Variants in CSTF2T observed in about 807,000 individuals in gnomAD.
CSTF2T encodes CF-1 64 kDa subunit tau.
Under a neutral mutation model 39.9 loss-of-function variants are expected in CSTF2T, and 18 were observed. The observed-to-expected ratio is 0.45, with a 90% CI of 0.31 to 0.67. CSTF2T has a LOEUF of 0.67. CSTF2T is among the 30% of genes least tolerant of loss of function. The pLI, the probability that CSTF2T is intolerant of heterozygous loss-of-function variation, is 0.06. For synonymous variants in CSTF2T, 291 were observed against 276.4 expected (o/e 1.05, Z -0.52); for missense variants, 681 against 789.0 (o/e 0.86, Z 1.64).
Position 51,697,657 on chromosome 10 carries a change from G to T in CSTF2T, c.*42C>A. The T allele has an allele frequency of 6.3e-7, 1 of 1,598,684 alleles. No individual in the cohort carries two copies. The highest frequency in any genetic ancestry group is 1.1e-5 in the South Asian group (1 of 89,262). On this transcript the variant is annotated 3_prime_UTR_variant, in exon 1 of 1. Coordinates refer to ENST00000331173, the MANE Select transcript of CSTF2T (RefSeq NM_015235.3). ...TTTTGCACCCATTCTCCATGCTACA[G>T]AATAAAATTTGAGACTACAGCCAAA...
Position 51,698,547 on chromosome 10 carries a change from T to C in CSTF2T, c.1003A>G (p.Asn335Asp), listed in dbSNP as rs577195954. The C allele has an allele frequency of 5.0e-6, 8 of 1,614,030 alleles. No individual in the cohort carries two copies. The African/African-American group carries it at 6.7e-5, about 13-fold the overall frequency. ...AGCAAAGTCCCTCCACGTGGGTCAT[T>C]TGGAGCATCTCCTAACAGTCCTCGA... is the stretch of plus-strand genomic sequence containing the variant. ...PPRGLLGDAPNDPRGGTLLSV... is the reference protein window; with the variant it reads ...PPRGLLGDAPDDPRGGTLLSV... The change falls in exon 1 of 1, where the codon AAT becomes GAT. Residue 335 changes from asparagine to aspartate, a missense_variant. Physicochemically the swap from Asn to Asp is conservative, Grantham distance 23. Around this residue, in one of 4 missense-constraint regions of CSTF2T, gnomAD observed 329 missense variants for 344.1 expected, o/e 0.96. Transcript: ENST00000331173.
Position 51,696,168 on chromosome 10 carries a change from C to T in CSTF2T, c.*1531G>A, listed in dbSNP as rs1841287051. 2 of 152,160 alleles carry T rather than the reference C, an allele frequency of 1.3e-5. No individual in the cohort carries two copies. The highest frequency in any genetic ancestry group is 4.8e-5 in the African/African-American group (2 of 41,440). 9.4% of individuals were successfully genotyped at this position (152,160 alleles called of 1,614,324 possible). Reference sequence around the variant, plus strand: ...ATTCAGGCTATATAAAAACTTCTACCTACCTGGGCCTTGATTATTCCTGGT... The same window carrying T: ...ATTCAGGCTATATAAAAACTTCTACTTACCTGGGCCTTGATTATTCCTGGT... On this transcript the variant is annotated 3_prime_UTR_variant, in exon 1 of 1. Coordinates refer to ENST00000331173, the MANE Select transcript of CSTF2T (RefSeq NM_015235.3).
In CSTF2T at chr10:51,695,671, G is replaced by A. The variant is rs1235830743; in HGVS notation, c.*2028C>T. 2 of 152,104 alleles carry A rather than the reference G, an allele frequency of 1.3e-5. No homozygotes were observed. Among genetic ancestry groups the A allele is most frequent in the African/African-American group, 2.4e-5 (1 of 41,426 alleles). The allele number at this position is 152,104 out of a possible 1,614,324, so 9.4% of individuals were successfully genotyped here. On this transcript the variant is annotated 3_prime_UTR_variant, in exon 1 of 1. Coordinates refer to ENST00000331173, the MANE Select transcript of CSTF2T (RefSeq NM_015235.3). ...GCATAACTATCACATATGTAAACGC[G>A]AGTTATCCTCTCCAATATAGGGGAG...
At position 51,698,072 on chromosome 10, in the gene CSTF2T, C is replaced by T. The variant is rs779350917; in HGVS notation, c.1478G>A (p.Arg493Lys). Residue 493 changes from arginine (R) to lysine (K), a missense_variant, in exon 1 of 1, where the codon AGA becomes AAA. Transcript: ENST00000331173. ...IGAGGPPQGP[R>K]QVPGISGVGN... ...CACCCCTGAAATGCCTGGGACCTGT[C>T]TGGGTCCCTGAGGAGGGCCACCTGC... 1 of 1,614,108 alleles carries T rather than the reference C, an allele frequency of 6.2e-7. No individual in the cohort carries two copies. The highest frequency in any genetic ancestry group is 8.5e-7 in the Non-Finnish European group (1 of 1,180,012).
rs199872150 is a variant in CSTF2T, at chr10:51,697,773, T to C, written c.1777A>G (p.Met593Val). The C allele has an allele frequency of 5.5e-5, 89 of 1,614,070 alleles. No individual in the cohort carries two copies. Among genetic ancestry groups the C allele is most frequent in the Non-Finnish European group, 6.9e-5 (81 of 1,180,030 alleles). Residue 593 changes from methionine (M) to valine (V), a missense_variant, in exon 1 of 1, where the codon ATG (methionine) becomes GTG (valine). Met to Val is a conservative substitution (Grantham distance 21). Around this residue, in one of 4 missense-constraint regions of CSTF2T, gnomAD observed 282 missense variants for 289.2 expected, o/e 0.98. Transcript: ENST00000331173. ...VLQLTADQIA[M>V]LPPEQRQSIL... ...CTCTGCCTTTGCTCAGGGGGCAGCA[T>C]GGCAATCTGATCTGCAGTCAGTTGA... is the stretch of plus-strand genomic sequence containing the variant.
In CSTF2T at chr10:51,695,621, A is replaced by C. The variant is rs1403603195; in HGVS notation, c.*2078T>G. Reference sequence around the variant, plus strand: ...AGCAACTAGAATCTCAAAATGATCGAGCCAACTCTGTGAATTAGTATTAAG... The same window carrying C: ...AGCAACTAGAATCTCAAAATGATCGCGCCAACTCTGTGAATTAGTATTAAG... On this transcript the variant is annotated 3_prime_UTR_variant, in exon 1 of 1. Transcript: ENST00000331173. The C allele has an allele frequency of 6.6e-6, 1 of 152,220 alleles. No individual in the cohort carries two copies. Among genetic ancestry groups the C allele is most frequent in the African/African-American group, 2.4e-5 (1 of 41,458 alleles). 9.4% of individuals were successfully genotyped at this position (152,220 alleles called of 1,614,324 possible). A position where few individuals can be genotyped will look rare whatever the true frequency, so the allele number is the denominator to read the frequency against.
Position 51,699,106 on chromosome 10 carries a change from C to T in CSTF2T, c.444G>A (p.Lys148=), listed in dbSNP as rs1030875757. The change falls in exon 1 of 1, where the codon AAG becomes AAA. Residue 148 remains lysine (K), a synonymous_variant. Transcript: ENST00000331173. ...CCTGGTGGCTGTTTTGGACACAGAG[C>T]TTCATCTGCTTCATCAGCTCAAACA... ...EQMFELMKQM[K]LCVQNSHQEA... The T allele has an allele frequency of 1.9e-6, 3 of 1,614,210 alleles. No homozygotes were observed. The highest frequency in any genetic ancestry group is 2.5e-6 in the Non-Finnish European group (3 of 1,180,040).
In CSTF2T at chr10:51,698,891, C is replaced by G. The variant is rs1841383810; in HGVS notation, c.659G>C (p.Gly220Ala). 6.2e-7 allele frequency: 1 copy of G among 1,611,046 alleles called. No individual in the cohort carries two copies. Among genetic ancestry groups the G allele is most frequent in the African/African-American group, 1.3e-5 (1 of 74,634 alleles). The change falls in exon 1 of 1, where the codon GGG becomes GCG. Residue 220 changes from glycine to alanine, a missense_variant. Gly to Ala is a moderately conservative substitution (Grantham distance 60, BLOSUM62 0). Transcript: ENST00000331173. ...VSGPGPGPGP[G>A]LCPGPNVLLN... is the part of the protein sequence containing the mutation. ...CAGAACATTAGGTCCTGGGCAGAGC[C>G]CAGGGCCAGGGCCAGGGCCAGGGCC...
Position 51,698,636 on chromosome 10 carries a change from A to G in CSTF2T, c.914T>C (p.Val305Ala), listed in dbSNP as rs1037302343. Reference protein sequence around the residue: ...VGPVPLERGQVQMSDPRAPIP... With the variant: ...VGPVPLERGQAQMSDPRAPIP... ...AGGAGCTCTAGGATCTGACATCTGC[A>G]CTTGTCCCCGCTCTAAAGGCACTGG... The change falls in exon 1 of 1, where the codon GTG (valine) becomes GCG (alanine). Residue 305 changes from valine to alanine, a missense_variant. Val to Ala is a moderately conservative substitution (Grantham distance 64). Transcript: ENST00000331173. The G allele has an allele frequency of 6.2e-7, 1 of 1,614,086 alleles. No homozygotes were observed. Among genetic ancestry groups the G allele is most frequent in the Non-Finnish European group, 8.5e-7 (1 of 1,180,024 alleles).
At position 51,698,148 on chromosome 10, in the gene CSTF2T, T is replaced by C. The variant is rs1487005675; in HGVS notation, c.1402A>G (p.Arg468Gly). ...TGAATTCCACCAGTCATAGGGCCTC[T>C]TGAACTGGGGACAGGGCCCCTCATC... ...LEMRGPVPSS[R>G]GPMTGGIQGP... Residue 468 changes from arginine to glycine, a missense_variant, in exon 1 of 1, where the codon AGA (arginine) becomes GGA (glycine). Coordinates refer to ENST00000331173, the MANE Select transcript of CSTF2T (RefSeq NM_015235.3). 6.2e-7 allele frequency: 1 copy of C among 1,614,162 alleles called. No individual in the cohort carries two copies. Among genetic ancestry groups the C allele is most frequent in the Non-Finnish European group, 8.5e-7 (1 of 1,180,028 alleles).
Position 51,697,673 on chromosome 10 carries a change from T to C in CSTF2T, c.*26A>G. 1.9e-6 allele frequency: 3 copies of C among 1,609,686 alleles called. No individual in the cohort carries two copies. The highest frequency in any genetic ancestry group is 2.5e-6 in the Non-Finnish European group (3 of 1,177,796). On this transcript the variant is annotated 3_prime_UTR_variant, in exon 1 of 1. Coordinates refer to ENST00000331173, the MANE Select transcript of CSTF2T (RefSeq NM_015235.3). ...CATGCTACAGAATAAAATTTGAGACTACAGCCAAATATTTTCTAAAACCTT... is the reference window on the plus strand; with the variant it reads ...CATGCTACAGAATAAAATTTGAGACCACAGCCAAATATTTTCTAAAACCTT...
In CSTF2T at chr10:51,695,780, G is replaced by T. The variant is rs1052087549; in HGVS notation, c.*1919C>A. 1 of 152,120 alleles carries T rather than the reference G, an allele frequency of 6.6e-6. No individual in the cohort carries two copies. Among genetic ancestry groups the T allele is most frequent in the African/African-American group, 2.4e-5 (1 of 41,434 alleles). The allele number at this position is 152,120 out of a possible 1,614,324, so 9.4% of individuals were successfully genotyped here. The stretch of plus-strand genomic sequence containing the variant: ...ACAACAGCATAGGGATGAAAACCTT[G>T]CAAACAAAGAATTACTAATTTAAAG... On this transcript the variant is annotated 3_prime_UTR_variant, in exon 1 of 1. Coordinates refer to ENST00000331173, the MANE Select transcript of CSTF2T (RefSeq NM_015235.3).
chr10:51,698,661 G>A lies in CSTF2T; in HGVS notation c.889C>T (p.Pro297Ser), dbSNP rs146979368. The change falls in exon 1 of 1, where the codon CCA becomes TCA. Residue 297 changes from proline (P) to serine (S), a missense_variant. By Grantham distance (74) the Pro-to-Ser change is moderately conservative. Around this residue, in one of 4 missense-constraint regions of CSTF2T, gnomAD observed 329 missense variants for 344.1 expected, o/e 0.96. Coordinates refer to ENST00000331173, the MANE Select transcript of CSTF2T (RefSeq NM_015235.3). ...QPQLGMPGVGPVPLERGQVQM... is the reference protein window; with the variant it reads ...QPQLGMPGVGSVPLERGQVQM... ...ACTTGTCCCCGCTCTAAAGGCACTG[G>A]GCCAACCCCTGGCATTCCAAGTTGG... The A allele has an allele frequency of 9.9e-6, 16 of 1,614,024 alleles. No homozygotes were observed. In the African/African-American group the frequency reaches 1.7e-4, roughly 18 times the overall value.
At position 51,697,628 on chromosome 10, in the gene CSTF2T, A is replaced by G; in HGVS notation, c.*71T>C. On this transcript the variant is annotated 3_prime_UTR_variant, in exon 1 of 1. Transcript: ENST00000331173. Reference sequence around the variant, plus strand: ...ATCCAAGTGTGGGGATACAGAAGTCAGCTTTTTGCACCCATTCTCCATGCT... The same window carrying G: ...ATCCAAGTGTGGGGATACAGAAGTCGGCTTTTTGCACCCATTCTCCATGCT... The G allele has an allele frequency of 6.8e-7, 1 of 1,470,942 alleles. No individual in the cohort carries two copies. The highest frequency in any genetic ancestry group is 9.3e-7 in the Non-Finnish European group (1 of 1,069,712). 91.1% of individuals were successfully genotyped at this position (1,470,942 alleles called of 1,614,324 possible).
In CSTF2T at chr10:51,698,860, G is replaced by A. The variant is rs1448143484; in HGVS notation, c.690C>T (p.Asn230=). 3.7e-6 allele frequency: 6 copies of A among 1,614,140 alleles called. No individual in the cohort carries two copies. The highest frequency in any genetic ancestry group is 4.5e-5 in the East Asian group (2 of 44,862). ...GLCPGPNVLL[N]QQNPPAPQPQ... is the part of the protein sequence containing the mutation. ...GCTGAGGAGCTGGAGGATTCTGCTG[G>A]TTCAGCAGAACATTAGGTCCTGGGC... Residue 230 remains asparagine, a synonymous_variant, in exon 1 of 1, where the codon AAC becomes AAT. Coordinates refer to ENST00000331173, the MANE Select transcript of CSTF2T (RefSeq NM_015235.3).
In CSTF2T at chr10:51,699,501, A is replaced by G; in HGVS notation, c.49T>C (p.Ser17Pro). The G allele has an allele frequency of 6.2e-7, 1 of 1,613,538 alleles. No individual in the cohort carries two copies. The change falls in exon 1 of 1, where the codon TCC becomes CCC. Residue 17 changes from serine (S) to proline (P), a missense_variant. Around this residue, in one of 4 missense-constraint regions of CSTF2T, gnomAD observed 65 missense variants for 134.2 expected, o/e 0.48. Coordinates refer to ENST00000331173, the MANE Select transcript of CSTF2T (RefSeq NM_015235.3). ...TATGGAATGTTCCCCACGAACACGG[A>G]ACGCAGTGATCGATCCATTGCCGGG... ...RDPAMDRSLRSVFVGNIPYEA... is the reference protein window; with the variant it reads ...RDPAMDRSLRPVFVGNIPYEA...
rs1841268402 is a variant in CSTF2T, at chr10:51,695,616, G to T, written c.*2083C>A. On this transcript the variant is annotated 3_prime_UTR_variant, in exon 1 of 1. Coordinates refer to ENST00000331173, the MANE Select transcript of CSTF2T (RefSeq NM_015235.3). The stretch of plus-strand genomic sequence containing the variant: ...GATAAAGCAACTAGAATCTCAAAAT[G>T]ATCGAGCCAACTCTGTGAATTAGTA... The T allele has an allele frequency of 1.3e-5, 2 of 152,152 alleles. No homozygotes were observed. Among genetic ancestry groups the T allele is most frequent in the Non-Finnish European group, 2.9e-5 (2 of 68,026 alleles). 9.4% of individuals were successfully genotyped at this position (152,152 alleles called of 1,614,324 possible).
In CSTF2T at chr10:51,697,853, T is replaced by C. The variant is rs759820352; in HGVS notation, c.1697A>G (p.Gln566Arg). ...GSQPSSFSPG[Q>R]SQVTPQDQEK... is the part of the protein sequence containing the mutation. Reference sequence around the variant, plus strand: ...CTGATCCTGTGGAGTGACCTGGCTCTGCCCAGGACTAAAACTGCTAGGCTG... The same window carrying C: ...CTGATCCTGTGGAGTGACCTGGCTCCGCCCAGGACTAAAACTGCTAGGCTG... Residue 566 changes from glutamine (Q) to arginine (R), a missense_variant, in exon 1 of 1, where the codon CAG becomes CGG. This residue lies in a region of CSTF2T where 282 missense variants were observed against 289.2 expected (regional missense o/e 0.98). Transcript: ENST00000331173. 1.9e-6 allele frequency: 3 copies of C among 1,613,968 alleles called. No homozygotes were observed. Among genetic ancestry groups the C allele is most frequent in the Non-Finnish European group, 2.5e-6 (3 of 1,179,996 alleles).
At position 51,698,609 on chromosome 10, in the gene CSTF2T, ATAG is replaced by A; in HGVS notation, c.938_940del (p.Pro313_Ile314delinsLeu). 1 of 1,613,890 alleles carries A rather than the reference ATAG, an allele frequency of 6.2e-7. No homozygotes were observed. The highest frequency in any genetic ancestry group is 1.1e-5 in the South Asian group (1 of 91,078). ...ACCAGGAGTCACGGGTCCGCGAGGT[ATAG>A]GAGCTCTAGGATCTGACATCTGCAC... On this transcript the variant is annotated inframe_deletion, in exon 1 of 1. Transcript: ENST00000331173.
Sources: allele counts gnomAD v4.1 joint callset, GRCh38; gene constraint gnomAD v4.1.1; regional missense constraint gnomAD v4.1.1; transcripts MANE v1.5; gene names NCBI Gene and HGNC (gene_info 2026-07-23, HGNC 2026-07-21).